CNTN4: variants seen among roughly 807,000 people sequenced by gnomAD.
CNTN4 encodes contactin-4.
A neutral mutation model predicts 122.5 loss-of-function variants in CNTN4; 77 were observed. That is an observed-to-expected ratio of 0.63 (90% CI 0.52 to 0.76). The LOEUF is 0.76. Among genes scored for constraint, CNTN4 ranks in the 30% least tolerant of loss-of-function variants. The pLI, the probability that CNTN4 is intolerant of heterozygous loss-of-function variation, is 0.00. For synonymous variants in CNTN4, 512 were observed against 447.0 expected, an observed-to-expected ratio of 1.15 and a Z score of -1.83; for missense variants, 1,256 against 1,259.1, an observed-to-expected ratio of 1.00 and a Z score of 0.04.
intron 2 of CNTN4, among the ~76,000 whole-genome samples, chr3:2,129,071 A>G (rs145088058): frequency 2.8e-4 from 43 of 152,290 alleles, no homozygotes; most frequent in African/African-American, 1.0e-3. Context: ...TTTCTTTCAT[A>G]ATATATTAAC....
intron 3 of CNTN4, among the ~76,000 whole-genome samples, chr3:2,448,685 T>C (rs2048715840): frequency 6.6e-6 from 1 of 152,220 alleles, no homozygotes; most frequent in South Asian, 2.1e-4. Context: ...GTGGCAGCTG[T>C]ATCCGTTATC....
At chr3:2,930,660 A>G (rs1249057955) in intron 13 of CNTN4, among the ~76,000 whole-genome samples, 2 of 152,244 alleles carry the variant, frequency 1.3e-5, no homozygotes, top group African/African-American at 4.8e-5. Flanking sequence ...TTTTCCAAAA[A>G]GAATCTCACA....
At chr3:2,361,435 A>G (rs965835457) in intron 3 of CNTN4, among the ~76,000 whole-genome samples, 1 of 152,304 alleles carries the variant, frequency 6.6e-6, no homozygotes, top group East Asian at 1.9e-4. Flanking sequence ...GCATCCCACA[A>G]TGCAGAAGAT....
chr3:2,338,708 G>A (rs1004160735), intron 2 of CNTN4, among the ~76,000 whole-genome samples: 2 of 152,196 alleles, frequency 1.3e-5, no homozygotes, highest in Non-Finnish European at 2.9e-5. Flanking sequence ...AGCTTTAAGA[G>A]AATGTACAAT....
chr3:3,042,868 GTAT>G, intron 21 of CNTN4, 106 bp from the exon 22 acceptor site: 5 of 844,664 alleles, frequency 5.9e-6, no homozygotes, highest in Non-Finnish European at 9.9e-6. Context: ...TCATGATGTA[GTAT>G]AGAAAACTAA....
At chr3:2,843,422 C>A (rs754970322) in intron 7 of CNTN4, among the ~76,000 whole-genome samples, 1 of 152,150 alleles carries the variant, frequency 6.6e-6, no homozygotes, top group African/African-American at 2.4e-5. Context: ...GGTGTCCCTC[C>A]TTCTATTCCT....
At chr3:2,400,432 T>TATACATAC (rs1428464555) in intron 3 of CNTN4, among the ~76,000 whole-genome samples, 1 of 103,192 alleles carries the variant, frequency 9.7e-6, no homozygotes, top group Non-Finnish European at 2.3e-5. Context: ...TATATACATA[T>TATACATAC]ATATATATAT....
chr3:2,985,809 A>T (rs1251145968), intron 13 of CNTN4, among the ~76,000 whole-genome samples: 1 of 152,298 alleles, frequency 6.6e-6, no homozygotes, highest in East Asian at 1.9e-4. Flanking sequence ...CAAAATACAA[A>T]CAGAAGGCAG....
At chr3:2,738,470 A>AT (rs34776944) in intron 5 of CNTN4, among the ~76,000 whole-genome samples, 2 of 152,224 alleles carry the variant, frequency 1.3e-5, no homozygotes, top group Non-Finnish European at 2.9e-5. Context: ...ACTAAAGGAA[A>AT]TTTTAAAAGA....
At chr3:2,992,665 T>C (rs1312937442) in intron 14 of CNTN4, among the ~76,000 whole-genome samples, 2 of 152,188 alleles carry the variant, frequency 1.3e-5, no homozygotes, top group Non-Finnish European at 2.9e-5. Context: ...ACAAGATAAC[T>C]ATGTTAATAG....
At chr3:2,106,127 C>T (rs7642231) in intron 2 of CNTN4, among the ~76,000 whole-genome samples, 1 of 152,116 alleles carries the variant, frequency 6.6e-6, no homozygotes, top group Non-Finnish European at 1.5e-5. Context: ...TTCTGCCCCT[C>T]TGGCTTTGCA....
chr3:2,508,919 A>G (rs1444948246), intron 3 of CNTN4, among the ~76,000 whole-genome samples: 1 of 152,228 alleles, frequency 6.6e-6, no homozygotes, highest in Non-Finnish European at 1.5e-5. Flanking sequence ...TTTAAGTGGT[A>G]TATCTCTAGG....
chr3:2,789,164 A>G (rs2091929616), intron 6 of CNTN4, among the ~76,000 whole-genome samples: 3 of 152,204 alleles, frequency 2.0e-5, no homozygotes, highest in Admixed American at 1.3e-4. Flanking sequence ...AGCAAATGAA[A>G]TACTGGTCTC....
chr3:2,815,020 C>T (rs1291902660), intron 6 of CNTN4, among the ~76,000 whole-genome samples: 4 of 152,144 alleles, frequency 2.6e-5, no homozygotes, highest in Non-Finnish European at 5.9e-5. Flanking sequence ...GATCATTACC[C>T]AAGTACCAAG....
intron 7 of CNTN4, among the ~76,000 whole-genome samples, chr3:2,844,766 C>T (rs1212485055): frequency 6.6e-6 from 1 of 152,180 alleles, no homozygotes; most frequent in Non-Finnish European, 1.5e-5. Flanking sequence ...ATTTAAGGGA[C>T]AATAAAGCAG....
chr3:2,287,523 T>A (rs1273332004), intron 2 of CNTN4, among the ~76,000 whole-genome samples: 1 of 151,438 alleles, frequency 6.6e-6, no homozygotes, highest in Non-Finnish European at 1.5e-5. Context: ...AGGTCACTGG[T>A]GCCCGGGAGA....
At chr3:2,172,743 G>A (rs1416942113) in intron 2 of CNTN4, among the ~76,000 whole-genome samples, 1 of 152,128 alleles carries the variant, frequency 6.6e-6, no homozygotes, top group East Asian at 1.9e-4. Flanking sequence ...CAGATTGCAG[G>A]AGACTGACAG....
intron 2 of CNTN4, among the ~76,000 whole-genome samples, chr3:2,118,164 T>A (rs1415516020): frequency 6.6e-6 from 1 of 152,214 alleles, no homozygotes. Context: ...GTGAGCTAGA[T>A]GCTGTGATGA....
chr3:2,562,693 CT>C (rs35885719), intron 3 of CNTN4, among the ~76,000 whole-genome samples: 20,503 of 146,548 alleles, frequency 0.14, 1,534 homozygotes, highest in Middle Eastern at 0.24. Flanking sequence ...GTGCATGTGT[CT>C]TTTTTTTTTT....
Sources: allele counts gnomAD v4.1 joint callset (sites outside exome capture counted in the v4.1 genomes callset), GRCh38; gene constraint gnomAD v4.1.1; transcripts MANE v1.5; gene names NCBI Gene and HGNC (gene_info 2026-07-23, HGNC 2026-07-21).